Variants in ANAPC5 observed in about 807,000 individuals in gnomAD.
ANAPC5 encodes the protein anaphase-promoting complex subunit 5.
In ANAPC5, 60 loss-of-function variants were observed where a neutral mutation model predicts 91.3. The ratio of observed to expected loss-of-function variants is 0.66; its 90% CI spans 0.53 to 0.81. The LOEUF (loss-of-function observed/expected upper bound fraction) is 0.81. Among genes scored for constraint, ANAPC5 ranks in the 40% least tolerant of loss-of-function variants. ANAPC5 has a pLI of 0.00. For missense variants in ANAPC5, 690 were observed against 931.5 expected, an observed-to-expected ratio of 0.74 and a Z score of 3.37; for synonymous variants, 340 against 364.1, an observed-to-expected ratio of 0.93 and a Z score of 0.75.
At position 121,318,375 on chromosome 12, in the gene ANAPC5, T is replaced by G. The variant is rs755023680; in HGVS notation, c.1795A>C (p.Ile599Leu). The change falls in exon 15 of 17, where the codon ATC becomes CTC. Residue 599 changes from isoleucine to leucine, a missense_variant. By Grantham distance (5) the Ile-to-Leu change is conservative. Transcript: ENST00000261819. Reference sequence around the variant, plus strand: ...GCCTGCAGGAGCATGGGCAGCGCGATGGTAGGGGAGGAAGATCGCCAGTAC... The same window carrying G: ...GCCTGCAGGAGCATGGGCAGCGCGAGGGTAGGGGAGGAAGATCGCCAGTAC... The part of the protein sequence containing the change: ...ELYWRSSSPT[I>L]ALPMLLQALA... 16 of 1,612,142 alleles carry G rather than the reference T, an allele frequency of 9.9e-6. No homozygotes were observed. In the African/African-American group the frequency reaches 2.1e-4, roughly 22 times the overall value.
chr12:121,312,690 G>C (rs1361372878), intron 15 of ANAPC5, among the ~76,000 whole-genome samples: 5 of 132,354 alleles, frequency 3.8e-5, no homozygotes. Context: ...CTAGGCGACA[G>C]AGCGAGACTC....
rs1290955675 is a variant in ANAPC5, at chr12:121,311,167, G to A, written c.1894-1304C>T. Among the ~76,000 whole-genome samples the A allele has an allele frequency of 2.6e-5, 4 of 151,944 alleles. No individual in the cohort carries two copies. The East Asian group carries it at 5.8e-4, about 22-fold the overall frequency. ...CCTAGCTACTTGGGAGACTGAGTTG[G>A]GAGGATCCCATCAGCCCAGGAGTTC... On this transcript the variant is annotated intron_variant, in intron 15 of 16. Transcript: ENST00000261819.
At chr12:121,308,960 C>G (rs1204546017) in intron 16 of ANAPC5, among the ~76,000 whole-genome samples, 1 of 151,392 alleles carries the variant, frequency 6.6e-6, no homozygotes, top group Non-Finnish European at 1.5e-5. Flanking sequence ...GCCAGCCTGG[C>G]CAACATGGTG....
intron 3 of ANAPC5, chr12:121,346,561 C>A: frequency 4.6e-6 from 1 of 215,620 alleles, no homozygotes; most frequent in Non-Finnish European, 9.0e-6. Flanking sequence ...TGTATTTTTA[C>A]TTACCTCTCT....
chr12:121,336,887 C>A (rs1330137056), intron 6 of ANAPC5, among the ~76,000 whole-genome samples: 1 of 152,114 alleles, frequency 6.6e-6, no homozygotes, highest in African/African-American at 2.4e-5. Context: ...AGAACCTGGG[C>A]CAATGGGCTG....
At chr12:121,345,590 A>G (rs564743843) in intron 4 of ANAPC5, among the ~76,000 whole-genome samples, 1 of 151,964 alleles carries the variant, frequency 6.6e-6, no homozygotes, top group Admixed American at 6.6e-5. Flanking sequence ...CAAGAAAGGG[A>G]GCCAATGAAT....
At chr12:121,329,733 A>G (rs1158080025) in intron 9 of ANAPC5, among the ~76,000 whole-genome samples, 1 of 151,448 alleles carries the variant, frequency 6.6e-6, no homozygotes, top group Non-Finnish European at 1.5e-5. Flanking sequence ...CTCCTGCCTC[A>G]GCCTCCTAAG....
intron 2 of ANAPC5, chr12:121,347,241 C>T: frequency 4.1e-6 from 2 of 482,868 alleles, no homozygotes; most frequent in Non-Finnish European, 7.3e-6. Flanking sequence ...AACCAATAAA[C>T]ATTCAATTAT....
At position 121,345,829 on chromosome 12, in the gene ANAPC5, G is replaced by T; in HGVS notation, c.590+10C>A. 1.2e-6 allele frequency: 2 copies of T among 1,608,756 alleles called. No individual in the cohort carries two copies. Among genetic ancestry groups the T allele is most frequent in the Non-Finnish European group, 1.7e-6 (2 of 1,178,264 alleles). ...CAGGAAAAGGATCCCTGTCAGAAAA[G>T]CCAAATTACCTTACAGATACATCAA... On this transcript the variant is annotated intron_variant, in intron 4 of 16. Coordinates refer to ENST00000261819, the MANE Select transcript of ANAPC5 (RefSeq NM_016237.5).
chr12:121,329,357 A>G (rs916409083), intron 9 of ANAPC5, among the ~76,000 whole-genome samples: 1 of 151,984 alleles, frequency 6.6e-6, no homozygotes, highest in Admixed American at 6.6e-5. Context: ...TTTTACCATA[A>G]CGGTCAGGCT....
At chr12:121,317,258 T>C (rs1902404413) in intron 15 of ANAPC5, among the ~76,000 whole-genome samples, 1 of 151,410 alleles carries the variant, frequency 6.6e-6, no homozygotes, top group Admixed American at 6.6e-5. Context: ...ACATACTTTT[T>C]TTTTTTTTTT....
chr12:121,347,071 T>C, intron 2 of ANAPC5, 66 bp from the exon 3 acceptor site: 1 of 947,152 alleles, frequency 1.1e-6, no homozygotes, highest in Non-Finnish European at 1.6e-6. Context: ...TGTTTCATAT[T>C]CCTCAATTAC....
At chr12:121,339,901 AGT>A (rs1193062650) in intron 5 of ANAPC5, among the ~76,000 whole-genome samples, 1 of 102,026 alleles carries the variant, frequency 9.8e-6, no homozygotes, top group Non-Finnish European at 1.8e-5. Context: ...TCCCAGATGG[AGT>A]GTCGTTCTTG....
chr12:121,338,128 C>G (rs997802864), intron 5 of ANAPC5, among the ~76,000 whole-genome samples: 1 of 151,946 alleles, frequency 6.6e-6, no homozygotes, highest in African/African-American at 2.4e-5. Context: ...AATCCCAGCA[C>G]TTTGGGAGGC....
In ANAPC5 at chr12:121,327,122, G is replaced by A. The variant is rs1566186164; in HGVS notation, c.1414C>T (p.His472Tyr). The change falls in exon 11 of 17, where the codon CAC becomes TAC. Residue 472 changes from histidine (H) to tyrosine (Y), a missense_variant. Transcript: ENST00000261819. Reference protein sequence around the residue: ...NTESFAVALCHLAELHAEQGC... With the variant: ...NTESFAVALCYLAELHAEQGC... Reference sequence around the variant, plus strand: ...TGCTCCGCGTGTAGCTCTGCGAGGTGGCAGAGTGCGACAGCAAAGGACTCT... The same window carrying A: ...TGCTCCGCGTGTAGCTCTGCGAGGTAGCAGAGTGCGACAGCAAAGGACTCT... The A allele has an allele frequency of 6.2e-7, 1 of 1,610,166 alleles. No individual in the cohort carries two copies.
Position 121,352,042 on chromosome 12 carries a change from G to C in ANAPC5, c.207+92C>G, listed in dbSNP as rs927429486. ...CCTCCAGGCAGGGAGAGTATCTGAT[G>C]GACACGAGTGTCCCCAAGCCCAGGG... is the stretch of plus-strand genomic sequence containing the variant. On this transcript the variant is annotated intron_variant, in intron 1 of 16. Transcript: ENST00000261819. 41 of 1,187,072 alleles carry C rather than the reference G, an allele frequency of 3.5e-5. 1 individual carries two copies. The Admixed American group carries it at 1.1e-3, about 32-fold the overall frequency. The allele number at this position is 1,187,072 out of a possible 1,614,324, so 73.5% of individuals were successfully genotyped here. A position where few individuals can be genotyped will look rare whatever the true frequency, so the allele number is the denominator to read the frequency against.
Position 121,326,996 on chromosome 12 carries a change from A to T in ANAPC5, c.1440+100T>A, listed in dbSNP as rs4980993. On this transcript the variant is annotated intron_variant, in intron 11 of 16. Coordinates refer to ENST00000261819, the MANE Select transcript of ANAPC5 (RefSeq NM_016237.5). The stretch of plus-strand genomic sequence containing the variant: ...TCTTTCAGCCACAGTGTCGAGCAGA[A>T]CTGTCCAACACGTGTCCAGTGCTTT... The T allele has an allele frequency of 2.1e-6, 3 of 1,432,136 alleles. No individual in the cohort carries two copies. In the African/African-American group the frequency reaches 4.4e-5, roughly 21 times the overall value. The allele number at this position is 1,432,136 out of a possible 1,614,324, so 88.7% of individuals were successfully genotyped here. A position where few individuals can be genotyped will look rare whatever the true frequency, so the allele number is the denominator to read the frequency against.
At chr12:121,315,356 T>C (rs754440105) in intron 15 of ANAPC5, among the ~76,000 whole-genome samples, 2 of 152,224 alleles carry the variant, frequency 1.3e-5, no homozygotes, top group East Asian at 1.9e-4. Context: ...AAGATGGCAA[T>C]GTTCTCCAAA....
intron 4 of ANAPC5, among the ~76,000 whole-genome samples, chr12:121,345,350 C>T (rs782427866): frequency 1.3e-5 from 2 of 152,122 alleles, no homozygotes; most frequent in Non-Finnish European, 2.9e-5. Context: ...ACAAAGAACA[C>T]ATTCAAATTG....
Sources: allele counts gnomAD v4.1 joint callset (sites outside exome capture counted in the v4.1 genomes callset), GRCh38; gene constraint gnomAD v4.1.1; transcripts MANE v1.5; gene names NCBI Gene and HGNC (gene_info 2026-07-23, HGNC 2026-07-21).